WWP1: variants seen among roughly 807,000 people sequenced by gnomAD.
WWP1 encodes the protein WW domain containing E3 ubiquitin protein ligase 1.
A neutral mutation model predicts 130.6 loss-of-function variants in WWP1; 49 were observed. The ratio of observed to expected loss-of-function variants is 0.38; its 90% confidence interval spans 0.30 to 0.48. The LOEUF (loss-of-function observed/expected upper bound fraction) is 0.48. Ranked by LOEUF, WWP1 falls within the 20% of genes least tolerant of loss-of-function variation. The probability of loss-of-function intolerance (pLI) is 0.99; values close to 1 mark genes in which losing one functional copy is unlikely to be tolerated. For missense variants in WWP1, 809 were observed against 1,100.6 expected, an observed-to-expected ratio of 0.74 and a Z score of 3.75; for synonymous variants, 332 against 367.8, an observed-to-expected ratio of 0.90 and a Z score of 1.11.
At position 86,442,794 on chromosome 8, in the gene WWP1, T is replaced by C. The variant is rs1422495710; in HGVS notation, c.1998+16T>C. On this transcript the variant is annotated intron_variant, in intron 18 of 24. Transcript: ENST00000517970. ...TATTGCCATGGTGAGTTCCTGACTT[T>C]ATTATTATTTATTTAAGTTTGTTAC... The C allele has an allele frequency of 7.0e-6, 11 of 1,571,588 alleles. No homozygotes were observed. The highest frequency in any genetic ancestry group is 8.6e-6 in the Non-Finnish European group (10 of 1,165,580).
chr8:86,446,314 G>A (rs180840759), intron 18 of WWP1, among the ~76,000 whole-genome samples: 173 of 152,066 alleles, frequency 1.1e-3, no homozygotes, highest in Non-Finnish European at 2.2e-3. Context: ...AGAAGTGTCT[G>A]TTTATGCTTG....
At chr8:86,450,776 A>T (rs2130751424) in intron 20 of WWP1, among the ~76,000 whole-genome samples, 1 of 152,296 alleles carries the variant, frequency 6.6e-6, no homozygotes, top group African/African-American at 2.4e-5. Context: ...TGCACAAAAT[A>T]GGCCATCAGT....
At chr8:86,350,311 T>C (rs1004844530) in intron 1 of WWP1, among the ~76,000 whole-genome samples, 1 of 152,192 alleles carries the variant, frequency 6.6e-6, no homozygotes, top group East Asian at 1.9e-4. Context: ...AGTAATGCCA[T>C]GGTTAAAGGT....
At position 86,398,526 on chromosome 8, in the gene WWP1, G is replaced by T. The variant is rs1586354917; in HGVS notation, c.473-46G>T. On this transcript the variant is annotated intron_variant, in intron 6 of 24. Coordinates refer to ENST00000517970, the MANE Select transcript of WWP1 (RefSeq NM_007013.4). ...GTAAAATTTCAAGGAAAAAGAATAA[G>T]CAAGAAGTATATAAAAACCTAGTTT... is the stretch of plus-strand genomic sequence containing the variant. 5.6e-6 allele frequency: 9 copies of T among 1,611,212 alleles called. No homozygotes were observed. In the East Asian group the frequency reaches 2.0e-4, roughly 36 times the overall value.
chr8:86,389,961 G>A (rs1368508626), intron 5 of WWP1, among the ~76,000 whole-genome samples: 2 of 150,988 alleles, frequency 1.3e-5, no homozygotes, highest in Admixed American at 6.6e-5. Flanking sequence ...AGGCGGAGGG[G>A]CTCCTCACTT....
chr8:86,418,965 C>T (rs1056258938), intron 9 of WWP1, among the ~76,000 whole-genome samples: 1 of 152,206 alleles, frequency 6.6e-6, no homozygotes, highest in East Asian at 1.9e-4. Flanking sequence ...AAAACAGTCC[C>T]ATTATTATCA....
rs1359375086 is a variant in WWP1, at chr8:86,374,089, C to A, written c.39C>A (p.Asn13Lys). The A allele has an allele frequency of 6.2e-7, 1 of 1,610,220 alleles. No individual in the cohort carries two copies. The highest frequency in any genetic ancestry group is 1.3e-5 in the African/African-American group (1 of 74,622). ...CACCAAGGTCTGATACTAGTAATAACCACAGTGGAAGGTTGCAGTTACAGG... is the reference window on the plus strand; with the variant it reads ...CACCAAGGTCTGATACTAGTAATAAACACAGTGGAAGGTTGCAGTTACAGG... ...TASPRSDTSN[N>K]HSGRLQLQVT... is the part of the protein sequence containing the mutation. Residue 13 changes from asparagine to lysine, a missense_variant, in exon 3 of 25, where the codon AAC becomes AAA. Asn to Lys is a moderately conservative substitution (Grantham distance 94). Coordinates refer to ENST00000517970, the MANE Select transcript of WWP1 (RefSeq NM_007013.4).
chr8:86,437,810 T>G (rs1810376982), intron 16 of WWP1, among the ~76,000 whole-genome samples: 2 of 152,146 alleles, frequency 1.3e-5, no homozygotes, highest in South Asian at 4.1e-4. Context: ...TACTGTATTC[T>G]TTTTTTTGAG....
At chr8:86,425,161 G>A in intron 9 of WWP1, 62 bp from the exon 10 acceptor site, 2 of 1,368,314 alleles carry the variant, frequency 1.5e-6, no homozygotes, top group South Asian at 1.3e-5. Context: ...ATAAGGAAGA[G>A]TCATTTTTAA....
chr8:86,371,016 CCA>C (rs1824267188), intron 2 of WWP1, among the ~76,000 whole-genome samples: 1 of 150,380 alleles, frequency 6.6e-6, no homozygotes, highest in African/African-American at 2.4e-5. Context: ...CAGGCACCTG[CCA>C]CCTCGCCTGG....
At chr8:86,394,383 T>G (rs1416932027) in intron 5 of WWP1, among the ~76,000 whole-genome samples, 1 of 152,246 alleles carries the variant, frequency 6.6e-6, no homozygotes. Flanking sequence ...AGGACTACCT[T>G]AATCACTTAG....
At position 86,466,935 on chromosome 8, in the gene WWP1, C is replaced by T. The variant is rs767049925; in HGVS notation, c.*42C>T. ...TGGAGGAGCTCTTGCATTTAAATAC[C>T]CCAGCCAAGAAAAATTGCACAGATA... On this transcript the variant is annotated 3_prime_UTR_variant, in exon 25 of 25. Transcript: ENST00000517970. The T allele has an allele frequency of 6.8e-7, 1 of 1,468,804 alleles. No individual in the cohort carries two copies. The highest frequency in any genetic ancestry group is 1.2e-5 in the South Asian group (1 of 85,618). 91.0% of individuals were successfully genotyped at this position (1,468,804 alleles called of 1,614,324 possible). A position where few individuals can be genotyped will look rare whatever the true frequency, so the allele number is the denominator to read the frequency against.
rs574812375 is a variant in WWP1 at position 86,346,954 on chromosome 8, A to C, written c.-115+4024A>C. Among the ~76,000 whole-genome samples the C allele has an allele frequency of 1.8e-4, 27 of 152,256 alleles. No individual in the cohort carries two copies. In the South Asian group the frequency reaches 5.4e-3, roughly 30 times the overall value. ...TATTTATCATTTGGTTCTCATGACA[A>C]CTGATAAGTTGGTGTGTTAGGAAGT... On this transcript the variant is annotated intron_variant, in intron 1 of 24. Coordinates refer to ENST00000517970, the MANE Select transcript of WWP1 (RefSeq NM_007013.4).
intron 9 of WWP1, among the ~76,000 whole-genome samples, chr8:86,419,245 C>T (rs1809061407): frequency 6.6e-6 from 1 of 152,154 alleles, no homozygotes; most frequent in South Asian, 2.1e-4. Flanking sequence ...TGGTAAAACC[C>T]TGTCTCTACT....
At chr8:86,375,646 A>G (rs1458371086) in intron 3 of WWP1, among the ~76,000 whole-genome samples, 2 of 152,186 alleles carry the variant, frequency 1.3e-5, no homozygotes, top group Non-Finnish European at 1.5e-5. Context: ...CCTGTTGAAT[A>G]GATGTAAAAA....
chr8:86,391,586 C>T (rs1300092570), intron 5 of WWP1, among the ~76,000 whole-genome samples: 1 of 151,414 alleles, frequency 6.6e-6, no homozygotes, highest in Non-Finnish European at 1.5e-5. Context: ...ATACTTTAAT[C>T]AATAATATGT....
At chr8:86,424,092 G>C (rs1265578179) in intron 9 of WWP1, among the ~76,000 whole-genome samples, 2 of 151,774 alleles carry the variant, frequency 1.3e-5, no homozygotes, top group Non-Finnish European at 2.9e-5. Context: ...CTCAGATGGG[G>C]CGGCTGCCAG....
intron 9 of WWP1, 55 bp downstream of exon 9, chr8:86,411,929 T>C (rs901878890): frequency 2.1e-6 from 3 of 1,457,274 alleles, no homozygotes; most frequent in South Asian, 2.7e-5. Context: ...TCTGTTAACA[T>C]ACGATTATTG....
chr8:86,343,299 T>A (rs1336710178), intron 1 of WWP1: 1 of 153,006 alleles, frequency 6.5e-6, no homozygotes, highest in East Asian at 1.9e-4. Context: ...ATACATGGAC[T>A]CATTGCCCGT....
Sources: gnomAD v4.1 joint callset for allele counts (sites outside exome capture counted in the v4.1 genomes callset) on GRCh38, gnomAD v4.1.1 for gene constraint, MANE v1.5 for transcripts, NCBI Gene and HGNC (gene_info 2026-07-23, HGNC 2026-07-21) for gene names.